UNC13C: variants seen among roughly 807,000 people sequenced by gnomAD.
UNC13C encodes the protein unc-13 homolog C.
UNC13C carries 174 observed loss-of-function variants against 245.4 expected under a neutral mutation model. The observed-to-expected ratio is 0.71, with a 90% CI of 0.63 to 0.80. The LOEUF is 0.80. UNC13C is among the 30% of genes least tolerant of loss of function. UNC13C has a pLI of 0.00. For synonymous variants in UNC13C, 992 were observed against 895.1 expected (o/e 1.11, Z -1.93); for missense variants, 2,829 against 2,602.9 (o/e 1.09, Z -1.89).
chr15:54,572,596 G>A (rs11071088), intron 30 of UNC13C, among the ~76,000 whole-genome samples: 46,864 of 151,266 alleles, frequency 0.31, 7,903 homozygotes, highest in East Asian at 0.54. Context: ...CGGCATTTTT[G>A]TATTTTTTTT....
intron 19 of UNC13C, among the ~76,000 whole-genome samples, chr15:54,451,366 A>G (rs115188919): frequency 6.6e-6 from 1 of 152,108 alleles, no homozygotes; most frequent in African/African-American, 2.4e-5. Flanking sequence ...TTTGTTAAAT[A>G]GGTTTTTTTT....
intron 13 of UNC13C, among the ~76,000 whole-genome samples, chr15:54,311,410 A>G (rs1328658149): frequency 6.6e-6 from 1 of 151,774 alleles, no homozygotes; most frequent in Non-Finnish European, 1.5e-5. Context: ...TCAATCAAAC[A>G]ACAAAAGTTT....
intron 19 of UNC13C, among the ~76,000 whole-genome samples, 172 bp from the exon 20 acceptor site, chr15:54,494,436 T>C (rs936296272): frequency 1.1e-4 from 17 of 152,198 alleles, no homozygotes; most frequent in Admixed American, 9.2e-4. Context: ...GGACTTATAA[T>C]TATTTCTGCA....
intron 2 of UNC13C, among the ~76,000 whole-genome samples, chr15:54,091,017 C>T (rs1475616086): frequency 1.4e-5 from 2 of 148,034 alleles, no homozygotes; most frequent in Non-Finnish European, 3.0e-5. Context: ...CTCTGAATGT[C>T]ATCCCAAAAA....
Position 54,300,110 on chromosome 15 carries a change from A to G in UNC13C, c.4105-100A>G, listed in dbSNP as rs1207865394. On this transcript the variant is annotated intron_variant, in intron 12 of 32. Transcript: ENST00000260323. The stretch of plus-strand genomic sequence containing the variant: ...CTTGCAGATGCTGATGAAACATTAG[A>G]GGCAATGACAGTGCAAGAGCATTTT... 2.9e-6 allele frequency: 3 copies of G among 1,018,940 alleles called. No individual in the cohort carries two copies. The African/African-American group carries it at 4.9e-5, about 17-fold the overall frequency. 63.1% of individuals were successfully genotyped at this position (1,018,940 alleles called of 1,614,324 possible).
intron 2 of UNC13C, among the ~76,000 whole-genome samples, chr15:54,098,015 C>T (rs1429911499): frequency 6.6e-6 from 1 of 152,058 alleles, no homozygotes; most frequent in South Asian, 2.1e-4. Context: ...GAAAAGAATA[C>T]AATTAGGTGT....
intron 12 of UNC13C, among the ~76,000 whole-genome samples, chr15:54,299,986 C>T (rs2037533246): frequency 6.6e-6 from 1 of 152,128 alleles, no homozygotes; most frequent in Non-Finnish European, 1.5e-5. Context: ...GTCCTTCCTT[C>T]CCATATTTAT....
chr15:54,507,912 GT>G (rs1286894247), intron 23 of UNC13C, among the ~76,000 whole-genome samples: 2 of 151,476 alleles, frequency 1.3e-5, no homozygotes, highest in East Asian at 1.9e-4. Flanking sequence ...AGAAAAACCA[GT>G]TTTTTCCCCC....
At chr15:54,395,953 C>A (rs12102026) in intron 18 of UNC13C, among the ~76,000 whole-genome samples, 5,617 of 151,522 alleles carry the variant, frequency 0.037, 345 homozygotes, top group African/African-American at 0.13. Flanking sequence ...GTAATATTTT[C>A]TCAATTTTTA....
the UNC13C span, among the ~76,000 whole-genome samples, chr15:53,879,300 T>G: frequency 6.6e-6 from 1 of 152,134 alleles, no homozygotes; most frequent in Admixed American, 6.5e-5. Context: ...TAGCTGGGAC[T>G]ACAGGCACAC....
intron 26 of UNC13C, among the ~76,000 whole-genome samples, chr15:54,540,654 T>G (rs967386962): frequency 5.9e-5 from 9 of 152,138 alleles, no homozygotes; most frequent in African/African-American, 2.2e-4. Context: ...GTGCAGCCTC[T>G]CTAAATAAAA....
intron 26 of UNC13C, among the ~76,000 whole-genome samples, chr15:54,544,812 G>C (rs2141172695): frequency 6.6e-6 from 1 of 152,174 alleles, no homozygotes; most frequent in East Asian, 1.9e-4. Context: ...ACAAACAAAT[G>C]GAAATAAATT....
intron 4 of UNC13C, among the ~76,000 whole-genome samples, chr15:54,171,490 G>A (rs536167918): frequency 1.3e-5 from 2 of 152,132 alleles, no homozygotes; most frequent in African/African-American, 2.4e-5. Context: ...TGGCAAACAG[G>A]TATATGAAAA....
intron 26 of UNC13C, among the ~76,000 whole-genome samples, chr15:54,536,198 GA>G (rs1451994821): frequency 6.6e-6 from 1 of 151,778 alleles, no homozygotes; most frequent in African/African-American, 2.4e-5. Flanking sequence ...GACTATTACA[GA>G]GACCTCTATG....
At chr15:54,124,067 G>T (rs1283067213) in intron 2 of UNC13C, among the ~76,000 whole-genome samples, 2 of 152,090 alleles carry the variant, frequency 1.3e-5, no homozygotes, top group Admixed American at 6.6e-5. Context: ...CCTATGACAT[G>T]GATGTGCCAC....
intron 1 of UNC13C, among the ~76,000 whole-genome samples, chr15:53,992,603 A>G (rs998315487): frequency 2.0e-5 from 3 of 152,234 alleles, no homozygotes; most frequent in Admixed American, 1.3e-4. Context: ...CGTGACTCAC[A>G]GTCCTGTTTT....
chr15:54,594,629 C>G (rs899347868), intron 30 of UNC13C, among the ~76,000 whole-genome samples: 10 of 152,144 alleles, frequency 6.6e-5, no homozygotes, highest in Non-Finnish European at 1.5e-4. Context: ...CGTCACAGGC[C>G]TCACCCAGCT....
chr15:54,561,260 C>G (rs1035736858), intron 29 of UNC13C, among the ~76,000 whole-genome samples: 29 of 151,924 alleles, frequency 1.9e-4, no homozygotes, highest in African/African-American at 7.0e-4. Context: ...AGATTAAAAG[C>G]TGAGAGAGGT....
chr15:54,278,080 A>G (rs2036881516), intron 10 of UNC13C, among the ~76,000 whole-genome samples: 1 of 152,118 alleles, frequency 6.6e-6, no homozygotes, highest in African/African-American at 2.4e-5. Context: ...AATGCTCTCT[A>G]CCGACCTAAC....
Sources: allele counts gnomAD v4.1 joint callset (sites outside exome capture counted in the v4.1 genomes callset), GRCh38; gene constraint gnomAD v4.1.1; transcripts MANE v1.5; gene names NCBI Gene and HGNC (gene_info 2026-07-23, HGNC 2026-07-21).